CDH9: variants seen among roughly 807,000 people sequenced by gnomAD.
CDH9 encodes the protein cadherin 9.
A neutral mutation model predicts 70.9 loss-of-function variants in CDH9; 28 were observed. The observed-to-expected ratio is 0.40, with a 90% CI of 0.29 to 0.54. The LOEUF is 0.54. Among genes scored for constraint, CDH9 ranks in the 20% least tolerant of loss-of-function variants. The pLI is 0.59. For missense variants in CDH9, 874 were observed against 984.4 expected (o/e 0.89, Z 1.50); for synonymous variants, 409 against 343.1 (o/e 1.19, Z -2.12).
At chr5:26,885,930 GT>G (rs1561182382) in intron 10 of CDH9, 35 bp downstream of exon 10, 1 of 1,589,208 alleles carries the variant, frequency 6.3e-7, no homozygotes. Flanking sequence ...GTATCTTAAA[GT>G]TTCATAATTT....
intron 2 of CDH9, among the ~76,000 whole-genome samples, chr5:26,951,905 A>G (rs1741851366): frequency 1.3e-5 from 2 of 152,020 alleles, no homozygotes; most frequent in South Asian, 2.1e-4. Context: ...CATGTATGCT[A>G]TGGCTCACAT....
At chr5:26,981,872 GT>G (rs1256131475) in intron 2 of CDH9, among the ~76,000 whole-genome samples, 12 of 115,944 alleles carry the variant, frequency 1.0e-4, no homozygotes, top group South Asian at 4.5e-4. Context: ...AATATCTTAG[GT>G]TTTTTAAAAT....
chr5:26,999,286 G>C (rs1255274326), intron 1 of CDH9, among the ~76,000 whole-genome samples: 2 of 151,872 alleles, frequency 1.3e-5, no homozygotes, highest in African/African-American at 4.8e-5. Flanking sequence ...ATATACATGA[G>C]CTATCATATT....
chr5:27,030,727 AT>A, intron 1 of CDH9, among the ~76,000 whole-genome samples: 1 of 152,026 alleles, frequency 6.6e-6, no homozygotes, highest in South Asian at 2.1e-4. Context: ...ATGATTTAGA[AT>A]TAAAGCATAA....
In CDH9 at chr5:26,988,363, C is replaced by A; in HGVS notation, c.-30G>T. Reference sequence around the variant, plus strand: ...TGCAACTTCAGTGGGTTGTCAAATTCAATGTATTGTTTGTTTTTCCTAAAG... The same window carrying A: ...TGCAACTTCAGTGGGTTGTCAAATTAAATGTATTGTTTGTTTTTCCTAAAG... On this transcript the variant is annotated 5_prime_UTR_variant, in exon 2 of 12. Transcript: ENST00000231021. 6.3e-7 allele frequency: 1 copy of A among 1,597,654 alleles called. No homozygotes were observed. The highest frequency in any genetic ancestry group is 8.5e-7 in the Non-Finnish European group (1 of 1,169,846).
At chr5:26,986,002 G>T (rs984562745) in intron 2 of CDH9, among the ~76,000 whole-genome samples, 9 of 151,928 alleles carry the variant, frequency 5.9e-5, no homozygotes, top group Non-Finnish European at 1.3e-4. Context: ...GTGGTTGAAA[G>T]TCAGCCCACT....
intron 2 of CDH9, among the ~76,000 whole-genome samples, chr5:26,938,135 C>T (rs1311509049): frequency 4.7e-5 from 7 of 150,518 alleles, no homozygotes; most frequent in African/African-American, 1.7e-4. Context: ...TTCTGTAAAC[C>T]TAAAACTTCT....
chr5:26,979,242 A>G (rs1742356891), intron 2 of CDH9, among the ~76,000 whole-genome samples: 1 of 151,724 alleles, frequency 6.6e-6, no homozygotes, highest in Non-Finnish European at 1.5e-5. Flanking sequence ...AAGATAAATT[A>G]TACTATTGTA....
chr5:26,984,362 A>G (rs964716355), intron 2 of CDH9, among the ~76,000 whole-genome samples: 1 of 152,156 alleles, frequency 6.6e-6, no homozygotes, highest in African/African-American at 2.4e-5. Context: ...ATGAATCTTC[A>G]CAATTGTGAA....
chr5:26,912,872 G>A (rs1213799184), intron 3 of CDH9, among the ~76,000 whole-genome samples: 3 of 152,048 alleles, frequency 2.0e-5, no homozygotes, highest in African/African-American at 7.2e-5. Flanking sequence ...GAATTATGGG[G>A]GAGGGTCTTT....
intron 2 of CDH9, among the ~76,000 whole-genome samples, chr5:26,974,971 C>G (rs1213510485): frequency 1.3e-5 from 2 of 152,088 alleles, no homozygotes; most frequent in East Asian, 1.9e-4. Flanking sequence ...GACCCTTTGA[C>G]CAACAGCTCT....
intron 2 of CDH9, among the ~76,000 whole-genome samples, chr5:26,978,948 C>A (rs764561098): frequency 6.6e-6 from 1 of 151,524 alleles, no homozygotes; most frequent in Non-Finnish European, 1.5e-5. Flanking sequence ...TTTCTATTAA[C>A]GAAAAGCTAA....
chr5:26,926,921 C>CCCA (rs1554037349), intron 2 of CDH9, among the ~76,000 whole-genome samples: 9 of 135,050 alleles, frequency 6.7e-5, no homozygotes, highest in African/African-American at 1.9e-4. Flanking sequence ...AATACAGCCC[C>CCCA]CCCCCGCAAA....
chr5:26,940,430 T>G (rs963565815), intron 2 of CDH9, among the ~76,000 whole-genome samples: 1 of 152,120 alleles, frequency 6.6e-6, no homozygotes, highest in Non-Finnish European at 1.5e-5. Flanking sequence ...TACACATTAT[T>G]AAAAACTAGA....
chr5:27,004,962 C>T (rs548689458), intron 1 of CDH9, among the ~76,000 whole-genome samples: 1 of 152,042 alleles, frequency 6.6e-6, no homozygotes, highest in East Asian at 1.9e-4. Flanking sequence ...ATTTCAGTAT[C>T]AATGGAGAGC....
At chr5:26,927,636 G>C (rs1009756261) in intron 2 of CDH9, among the ~76,000 whole-genome samples, 1 of 151,972 alleles carries the variant, frequency 6.6e-6, no homozygotes, top group Non-Finnish European at 1.5e-5. Context: ...TGAGAACTAT[G>C]TCTAGTCTAC....
chr5:26,887,618 C>T lies in CDH9; in HGVS notation c.1513-1535G>A, dbSNP rs113750821. 3.5e-3 allele frequency among the ~76,000 whole-genome samples: 532 copies of T among 151,936 alleles called. 4 individuals are homozygous for T. Among genetic ancestry groups the T allele is most frequent in the African/African-American group, 0.012 (512 of 41,448 alleles). ...GTGATTGTAGGTTGACTTGTGTTCCCCCAAAATATCTGTTCAAGTCTTAAA... is the reference window on the plus strand; with the variant it reads ...GTGATTGTAGGTTGACTTGTGTTCCTCCAAAATATCTGTTCAAGTCTTAAA... On this transcript the variant is annotated intron_variant, in intron 9 of 11. Transcript: ENST00000231021.
At chr5:26,984,738 G>C (rs1213170484) in intron 2 of CDH9, among the ~76,000 whole-genome samples, 1 of 152,052 alleles carries the variant, frequency 6.6e-6, no homozygotes, top group East Asian at 1.9e-4. Context: ...GAAGCTAGAT[G>C]ACAATTATTA....
intron 2 of CDH9, among the ~76,000 whole-genome samples, chr5:26,972,938 A>C (rs1742245453): frequency 6.6e-6 from 1 of 150,638 alleles, no homozygotes; most frequent in African/African-American, 2.4e-5. Flanking sequence ...ATCTCAGCTC[A>C]CTGTAACCTC....
Sources: gnomAD v4.1 joint callset for allele counts (sites outside exome capture counted in the v4.1 genomes callset) on GRCh38, gnomAD v4.1.1 for gene constraint, MANE v1.5 for transcripts, NCBI Gene and HGNC (gene_info 2026-07-23, HGNC 2026-07-21) for gene names.